BCKDHB: variants seen among roughly 807,000 people sequenced by gnomAD.
BCKDHB encodes the protein branched chain keto acid dehydrogenase E1 subunit beta.
A neutral mutation model predicts 48.5 loss-of-function variants in BCKDHB; 41 were observed. The ratio of observed to expected loss-of-function variants is 0.85; its 90% confidence interval spans 0.66 to 1.10. The LOEUF is 1.10. Ranked by LOEUF, BCKDHB falls within the 50% of genes least tolerant of loss-of-function variation. The pLI is 0.00. For synonymous variants in BCKDHB, 201 were observed against 174.8 expected, an observed-to-expected ratio of 1.15 and a Z score of -1.18; for missense variants, 496 against 494.2, an observed-to-expected ratio of 1.00 and a Z score of -0.03.
At chr6:80,232,790 T>C (rs955866405) in intron 8 of BCKDHB, among the ~76,000 whole-genome samples, 1 of 151,026 alleles carries the variant, frequency 6.6e-6, no homozygotes, top group Non-Finnish European at 1.5e-5. Context: ...GTGTTATATA[T>C]GTATGAGAGT....
At chr6:80,309,104 A>G (rs1164206083) in intron 9 of BCKDHB, among the ~76,000 whole-genome samples, 2 of 149,916 alleles carry the variant, frequency 1.3e-5, no homozygotes, top group African/African-American at 2.5e-5. Flanking sequence ...GCTTTTGCCA[A>G]CCACGCTGGA....
chr6:80,193,452 CTCACGCCTGTAA>C (rs1773991587), intron 6 of BCKDHB, among the ~76,000 whole-genome samples: 3 of 152,046 alleles, frequency 2.0e-5, no homozygotes, highest in Admixed American at 2.0e-4. Context: ...GGCGTGATGG[CTCACGCCTGTAA>C]TCCCAGCACT....
At chr6:80,171,642 T>C (rs1772924248) in intron 6 of BCKDHB, among the ~76,000 whole-genome samples, 1 of 152,116 alleles carries the variant, frequency 6.6e-6, no homozygotes, top group Non-Finnish European at 1.5e-5. Flanking sequence ...AAAGGGACTA[T>C]GTTTAACCAC....
At chr6:80,226,857 C>T (rs902118378) in intron 8 of BCKDHB, among the ~76,000 whole-genome samples, 20 of 152,174 alleles carry the variant, frequency 1.3e-4, no homozygotes, top group Admixed American at 5.9e-4. Flanking sequence ...AGTCGGACTC[C>T]GTAGTCTGGT....
chr6:80,360,149 C>CT, the BCKDHB span, among the ~76,000 whole-genome samples: 1 of 147,266 alleles, frequency 6.8e-6, no homozygotes, highest in African/African-American at 2.7e-5. Context: ...GTGAACAATA[C>CT]TTTATTTCCT....
At chr6:80,356,599 A>G in the BCKDHB span, 8 of 152,306 alleles carry the variant, frequency 5.3e-5, no homozygotes, top group Admixed American at 2.6e-4. Flanking sequence ...CTTACAAAGG[A>G]GTAATTAGAG....
chr6:80,396,100 T>C, the BCKDHB span, among the ~76,000 whole-genome samples: 330 of 152,262 alleles, frequency 2.2e-3, 1 homozygote, highest in African/African-American at 7.3e-3. Flanking sequence ...AGATGGGAAA[T>C]GTGTGGTTGG....
the BCKDHB span, among the ~76,000 whole-genome samples, chr6:80,423,194 C>T: frequency 2.0e-5 from 3 of 152,174 alleles, no homozygotes; most frequent in Non-Finnish European, 4.4e-5. Context: ...TGCTCTCTCT[C>T]TCTATCCTGC....
intron 5 of BCKDHB, among the ~76,000 whole-genome samples, chr6:80,170,333 TA>T (rs1772844887): frequency 6.6e-6 from 1 of 152,202 alleles, no homozygotes; most frequent in South Asian, 2.1e-4. Context: ...GTCTTTGTGG[TA>T]AGTTCAGGTT....
the BCKDHB span, among the ~76,000 whole-genome samples, chr6:80,391,901 C>CT: frequency 1.1e-4 from 16 of 152,004 alleles, no homozygotes; most frequent in East Asian, 1.9e-3. Context: ...TAGCAGGATC[C>CT]TTTTTTTTCT....
the BCKDHB span, among the ~76,000 whole-genome samples, chr6:80,421,160 A>T: frequency 2.0e-5 from 3 of 151,994 alleles, no homozygotes; most frequent in Non-Finnish European, 2.9e-5. Context: ...TGTTCTCATG[A>T]TAGAGAGTTC....
intron 6 of BCKDHB, among the ~76,000 whole-genome samples, chr6:80,175,542 C>T (rs542905236): frequency 3.5e-4 from 53 of 152,296 alleles, no homozygotes; most frequent in African/African-American, 1.2e-3. Flanking sequence ...TTCTAGGAAT[C>T]CATTTTGGAG....
chr6:80,287,208 G>A (rs1316285642), intron 9 of BCKDHB, among the ~76,000 whole-genome samples: 1 of 152,158 alleles, frequency 6.6e-6, no homozygotes, highest in Non-Finnish European at 1.5e-5. Flanking sequence ...GAATAATGAT[G>A]ACCATATACT....
the BCKDHB span, among the ~76,000 whole-genome samples, chr6:80,407,645 G>C: frequency 1.2e-4 from 19 of 152,038 alleles, no homozygotes; most frequent in African/African-American, 4.4e-4. Context: ...TCATGCTTTG[G>C]CTGTCTGTTT....
intron 3 of BCKDHB, among the ~76,000 whole-genome samples, chr6:80,133,651 T>C (rs1770740718): frequency 6.7e-6 from 1 of 148,320 alleles, no homozygotes; most frequent in African/African-American, 2.5e-5. Context: ...TCTTTCTTTC[T>C]TTTTTTTTTA....
chr6:80,452,321 G>T, the BCKDHB span, among the ~76,000 whole-genome samples: 1 of 152,214 alleles, frequency 6.6e-6, no homozygotes, highest in Non-Finnish European at 1.5e-5. Flanking sequence ...TTCTTACAGG[G>T]AAGGGAAGAA....
intron 9 of BCKDHB, among the ~76,000 whole-genome samples, chr6:80,293,129 C>T (rs2127985930): frequency 6.6e-6 from 1 of 152,246 alleles, no homozygotes; most frequent in South Asian, 2.1e-4. Context: ...GGACGGTGGC[C>T]CTCTTCGCAC....
chr6:80,405,155 T>C, the BCKDHB span, among the ~76,000 whole-genome samples: 3 of 152,144 alleles, frequency 2.0e-5, no homozygotes, highest in Non-Finnish European at 4.4e-5. Context: ...CCTACTATTA[T>C]TGTATTGCTG....
chr6:80,237,833 A>C (rs556955754), intron 8 of BCKDHB, among the ~76,000 whole-genome samples: 100 of 152,348 alleles, frequency 6.6e-4, no homozygotes, highest in African/African-American at 2.3e-3. Context: ...TGTTATTTAC[A>C]TAAGTAGAAA....
Sources: gnomAD v4.1 joint callset for allele counts (sites outside exome capture counted in the v4.1 genomes callset) on GRCh38, gnomAD v4.1.1 for gene constraint, MANE v1.5 for transcripts, NCBI Gene and HGNC (gene_info 2026-07-23, HGNC 2026-07-21) for gene names.